The following ASB10 variants were observed in gnomAD, a reference collection of about 807,000 sequenced individuals.
ASB10 encodes ankyrin repeat and SOCS box containing 10.
In ASB10, 44 loss-of-function variants were observed where a neutral mutation model predicts 35.4. The observed-to-expected ratio is 1.24, with a 90% CI of 0.98 to 1.60. The LOEUF (loss-of-function observed/expected upper bound fraction) is 1.60. Ranked by LOEUF, ASB10 falls within the 40% of genes most tolerant of loss-of-function variation. The probability of loss-of-function intolerance (pLI) is 0.00; values close to 1 mark genes in which losing one functional copy is unlikely to be tolerated. For synonymous variants in ASB10, 294 were observed against 280.4 expected (o/e 1.05, Z -0.49); for missense variants, 647 against 634.3 (o/e 1.02, Z -0.22).
chr7:151,178,958 T>C (rs1452184035), intron 3 of ASB10, among the ~76,000 whole-genome samples: 2 of 152,110 alleles, frequency 1.3e-5, no homozygotes, highest in Non-Finnish European at 2.9e-5. Flanking sequence ...GCTCGCTGTG[T>C]CTGGAATGCC....
intron 2 of ASB10, among the ~76,000 whole-genome samples, chr7:151,182,735 G>A (rs1188482415): frequency 1.3e-5 from 2 of 152,090 alleles, no homozygotes; most frequent in African/African-American, 4.8e-5. Flanking sequence ...GTGTAGAATG[G>A]GGATAATTAT....
intron 3 of ASB10, among the ~76,000 whole-genome samples, chr7:151,180,359 C>A (rs752876521): frequency 6.6e-6 from 1 of 152,186 alleles, no homozygotes; most frequent in Non-Finnish European, 1.5e-5. Context: ...GGCAGCTGTT[C>A]TGGGGGCTGT....
At chr7:151,187,359 G>T, upstream of ASB10, 5 of 1,536,630 alleles carry the variant, frequency 3.3e-6, no homozygotes, top group Non-Finnish European at 3.5e-6. The surrounding 1 kb of genome is among the most constrained non-coding windows in gnomAD (Gnocchi z 5.3). Flanking sequence ...AAACAGCCGG[G>T]GGCTTCTCCT....
At position 151,186,823 on chromosome 7, in the gene ASB10, C is replaced by T. The variant is rs530136139; in HGVS notation, c.308G>A (p.Arg103His). The change falls in exon 1 of 6, where the codon CGT (arginine) becomes CAT (histidine). Residue 103 changes from arginine (R) to histidine (H), a missense_variant. Transcript: ENST00000420175. ...ERWRDFRFNI[R>H]ALRLWSLTYE... Reference sequence around the variant, plus strand: ...AGTGCCCCGGCCCGTACTCAGAGCACGGATGTTGAAGCGGAAATCCCTCCA... The same window carrying T: ...AGTGCCCCGGCCCGTACTCAGAGCATGGATGTTGAAGCGGAAATCCCTCCA... 27 of 1,596,586 alleles carry T rather than the reference C, an allele frequency of 1.7e-5. No homozygotes were observed. Among genetic ancestry groups the T allele is most frequent in the East Asian group, 1.3e-4 (6 of 44,502 alleles).
intron 2 of ASB10, 134 bp from the exon 3 acceptor site, chr7:151,181,592 C>A: frequency 1.5e-6 from 2 of 1,314,054 alleles, no homozygotes; most frequent in Non-Finnish European, 2.0e-6. Context: ...TGGCACCATT[C>A]TGCAAGATCA....
intron 3 of ASB10, among the ~76,000 whole-genome samples, chr7:151,177,549 G>T (rs1255813203): frequency 7.0e-6 from 1 of 141,962 alleles, no homozygotes; most frequent in African/African-American, 2.5e-5. Flanking sequence ...AAAGATCACA[G>T]AATCCATCCA....
chr7:151,181,505 T>C (rs778192420), intron 2 of ASB10, 47 bp from the exon 3 acceptor site: 2 of 1,528,234 alleles, frequency 1.3e-6, no homozygotes, highest in Admixed American at 1.9e-5. Context: ...CACGGACCCC[T>C]GGCAGGAACA....
chr7:151,178,013 C>T lies in ASB10; in HGVS notation c.1105-1337G>A, dbSNP rs191279548. 8.3e-3 allele frequency among the ~76,000 whole-genome samples: 1,266 copies of T among 152,222 alleles called. 17 individuals carry two copies. Among genetic ancestry groups the T allele is most frequent in the African/African-American group, 0.028 (1,174 of 41,534 alleles). ...CTGTAATCCCAGCGCTTTGGGAGGC[C>T]GAGGTGGGTGGATCACTTGAGGTCA... On this transcript the variant is annotated intron_variant, in intron 3 of 5. Transcript: ENST00000420175.
chr7:151,187,475 G>A, upstream of ASB10: 1 of 1,551,294 alleles, frequency 6.4e-7, no homozygotes, highest in Non-Finnish European at 8.7e-7. The surrounding 1 kb of genome is among the most constrained non-coding windows in gnomAD (Gnocchi z 5.3). Context: ...GCTCCAGCGA[G>A]GCTCTGCGGC....
chr7:151,178,133 C>A (rs12533535), intron 3 of ASB10, among the ~76,000 whole-genome samples: 1,825 of 152,290 alleles, frequency 0.012, 24 homozygotes, highest in Non-Finnish European at 0.019. Context: ...CCTTTAATCC[C>A]AGCTATTTGG....
chr7:151,184,661 G>A (rs1801553775), intron 2 of ASB10, among the ~76,000 whole-genome samples: 1 of 152,110 alleles, frequency 6.6e-6, no homozygotes, highest in Admixed American at 6.5e-5. Flanking sequence ...AAAGTTTGGA[G>A]ATGGATGGTG....
intron 3 of ASB10, among the ~76,000 whole-genome samples, chr7:151,179,103 C>T (rs1443540495): frequency 1.3e-5 from 2 of 152,240 alleles, no homozygotes; most frequent in African/African-American, 2.4e-5. Context: ...AAGCAGCTTA[C>T]CAAGTGCTTT....
rs1034560296 is a variant in ASB10, at chr7:151,186,697, A to G, written c.317-38T>C. 1.9e-6 allele frequency: 3 copies of G among 1,573,250 alleles called. No homozygotes were observed. In the Admixed American group the frequency reaches 5.2e-5, roughly 28 times the overall value. The stretch of plus-strand genomic sequence containing the variant: ...GACGTGGGCCTCAGATCCCCAGGGA[A>G]GGCAGAGACCTTCCAGCCAATGGGG... On this transcript the variant is annotated intron_variant, in intron 1 of 5. Transcript: ENST00000420175.
At chr7:151,177,412 GCGTGAC>G (rs1241141862) in intron 3 of ASB10, among the ~76,000 whole-genome samples, 1 of 152,262 alleles carries the variant, frequency 6.6e-6, no homozygotes, top group Admixed American at 6.5e-5. Context: ...AGGCCTGGAA[GCGTGAC>G]CCCTTGCCCT....
chr7:151,176,016 C>T, intron 5 of ASB10, 50 bp from the exon 6 acceptor site: 1 of 1,412,052 alleles, frequency 7.1e-7, no homozygotes, highest in Non-Finnish European at 9.5e-7. Context: ...CGGGGACGGG[C>T]CGGTTCTGGC....
At chr7:151,180,088 G>A (rs1475418763) in intron 3 of ASB10, among the ~76,000 whole-genome samples, 1 of 152,190 alleles carries the variant, frequency 6.6e-6, no homozygotes, top group Non-Finnish European at 1.5e-5. Context: ...TCTGGGCTGA[G>A]CCAGAGGGGA....
Position 151,176,097 on chromosome 7 carries a change from G to A in ASB10, c.*15C>T. The A allele has an allele frequency of 6.2e-7, 1 of 1,609,624 alleles. No homozygotes were observed. The highest frequency in any genetic ancestry group is 8.5e-7 in the Non-Finnish European group (1 of 1,179,118). On this transcript the variant is annotated intron_variant, in intron 5 of 5. Coordinates refer to ENST00000420175, the MANE Select transcript of ASB10 (RefSeq NM_001142459.2). ...CCCCAAGCAGCTGTGACTGCTCACA[G>A]ATCCCGGGGCTCACCTAGTAGAGCA...
chr7:151,187,053 C>T lies in ASB10; in HGVS notation c.78G>A (p.Arg26=), dbSNP rs575959546. The T allele has an allele frequency of 3.1e-6, 5 of 1,610,358 alleles. No individual in the cohort carries two copies. The Admixed American group carries it at 5.0e-5, about 16-fold the overall frequency. The change falls in exon 1 of 6, where the codon AGG becomes AGA. Residue 26 remains arginine (R), a synonymous_variant. Coordinates refer to ENST00000420175, the MANE Select transcript of ASB10 (RefSeq NM_001142459.2). The surrounding 1 kb of genome is among the most constrained non-coding windows in gnomAD (Gnocchi z 5.3). ...PLDDRHPLCA[R]LVEKPSRGSE... ...ACCCTCTGCTGGGCTTCTCCACCAGCCTGGCACAGAGGGGGTGTCTGTCAT... is the reference window on the plus strand; with the variant it reads ...ACCCTCTGCTGGGCTTCTCCACCAGTCTGGCACAGAGGGGGTGTCTGTCAT...
intron 3 of ASB10, among the ~76,000 whole-genome samples, chr7:151,179,355 T>A (rs1801446590): frequency 1.3e-5 from 2 of 152,226 alleles, no homozygotes; most frequent in Non-Finnish European, 2.9e-5. Flanking sequence ...CTGGGAGGAC[T>A]GAGGAACTCC....
Sources: allele counts gnomAD v4.1 joint callset (sites outside exome capture counted in the v4.1 genomes callset), GRCh38; gene constraint gnomAD v4.1.1; non-coding constraint Gnocchi (gnomAD v3.1); transcripts MANE v1.5; gene names NCBI Gene and HGNC (gene_info 2026-07-23, HGNC 2026-07-21).